Variants in FHIP1A observed in about 807,000 individuals in gnomAD.
The protein encoded by FHIP1A is FHF complex subunit HOOK interacting protein 1A.
In FHIP1A, 61 loss-of-function variants were observed where a neutral mutation model predicts 88.6. That is an observed-to-expected ratio of 0.69 (90% CI 0.56 to 0.85). The LOEUF is 0.85. FHIP1A is among the 40% of genes least tolerant of loss of function. FHIP1A has a pLI of 0.00. For synonymous variants in FHIP1A, 478 were observed against 496.0 expected, an observed-to-expected ratio of 0.96 and a Z score of 0.48; for missense variants, 1,154 against 1,273.5, an observed-to-expected ratio of 0.91 and a Z score of 1.43.
chr4:151,416,545 G>A (rs1343032835), intron 1 of FHIP1A, among the ~76,000 whole-genome samples: 3 of 152,064 alleles, frequency 2.0e-5, no homozygotes, highest in South Asian at 4.1e-4. Context: ...TAAGTATATA[G>A]TGATATAAGG....
chr4:151,548,181 G>A (rs955529182), intron 3 of FHIP1A, among the ~76,000 whole-genome samples: 6 of 152,186 alleles, frequency 3.9e-5, no homozygotes, highest in Admixed American at 1.3e-4. Flanking sequence ...GATGCCTCAG[G>A]TTCATGCCAG....
chr4:151,573,639 A>G (rs1733679220), intron 4 of FHIP1A, among the ~76,000 whole-genome samples: 1 of 152,078 alleles, frequency 6.6e-6, no homozygotes, highest in Non-Finnish European at 1.5e-5. Context: ...GGTATGGGAA[A>G]TGAGTCAAGG....
intron 7 of FHIP1A, among the ~76,000 whole-genome samples, chr4:151,613,710 G>T (rs950225790): frequency 2.6e-5 from 4 of 152,182 alleles, no homozygotes; most frequent in Non-Finnish European, 5.9e-5. Context: ...CCACAGCCTG[G>T]TGCACATCAG....
intron 7 of FHIP1A, among the ~76,000 whole-genome samples, chr4:151,592,783 A>C (rs1351928652): frequency 1.3e-5 from 2 of 152,118 alleles, no homozygotes; most frequent in African/African-American, 4.8e-5. Flanking sequence ...CCCATTTATC[A>C]ATTTTGGCTT....
intron 3 of FHIP1A, among the ~76,000 whole-genome samples, chr4:151,563,602 A>G (rs947321945): frequency 9.9e-5 from 15 of 152,156 alleles, no homozygotes; most frequent in African/African-American, 2.9e-4. Flanking sequence ...TGCTTTACCT[A>G]CTTACAGCTT....
At chr4:151,657,665 TTTTAC>T (rs1737298832) in intron 13 of FHIP1A, among the ~76,000 whole-genome samples, 1 of 152,192 alleles carries the variant, frequency 6.6e-6, no homozygotes, top group South Asian at 2.1e-4. Context: ...TTGCACTGGC[TTTTAC>T]TTTTCCACAC....
intron 1 of FHIP1A, among the ~76,000 whole-genome samples, chr4:151,442,880 C>T (rs1049067540): frequency 1.1e-4 from 17 of 152,112 alleles, no homozygotes; most frequent in Non-Finnish European, 2.4e-4. Flanking sequence ...TTCTATTTTG[C>T]CGATCACATT....
At chr4:151,450,611 C>T (rs191889357) in intron 1 of FHIP1A, among the ~76,000 whole-genome samples, 2 of 152,182 alleles carry the variant, frequency 1.3e-5, no homozygotes, top group Non-Finnish European at 2.9e-5. Context: ...AGTAATACCA[C>T]TGTTAGGCCA....
At chr4:151,587,714 A>G (rs1468907865) in intron 6 of FHIP1A, among the ~76,000 whole-genome samples, 1 of 152,066 alleles carries the variant, frequency 6.6e-6, no homozygotes, top group Non-Finnish European at 1.5e-5. Context: ...CTGTTTATCT[A>G]CCAAATAAAG....
At chr4:151,515,913 T>C (rs909735839) in intron 3 of FHIP1A, among the ~76,000 whole-genome samples, 4 of 152,200 alleles carry the variant, frequency 2.6e-5, no homozygotes, top group Admixed American at 2.0e-4. Context: ...CCCATCAAGC[T>C]ACCAATGACT....
At position 151,606,979 on chromosome 4, in the gene FHIP1A, G is replaced by T. The variant is rs542920439; in HGVS notation, c.978+18053G>T. Among the ~76,000 whole-genome samples, 123 of 152,292 alleles carry T rather than the reference G, an allele frequency of 8.1e-4. 2 individuals carry two copies. In the South Asian group the frequency reaches 0.015, roughly 18 times the overall value. ...TGTCTCCACAGCTTTACAGGCAGGC[G>T]CTGGTTCCGGGACAGACAGGTATTC... On this transcript the variant is annotated intron_variant, in intron 7 of 13. Transcript: ENST00000435205.
intron 3 of FHIP1A, among the ~76,000 whole-genome samples, chr4:151,540,017 A>G (rs904782939): frequency 1.3e-5 from 2 of 152,218 alleles, no homozygotes; most frequent in Admixed American, 1.3e-4. Flanking sequence ...AGTAACCTAA[A>G]TGGGAAGTTA....
At chr4:151,437,684 A>G (rs1023313375) in intron 1 of FHIP1A, among the ~76,000 whole-genome samples, 4 of 152,194 alleles carry the variant, frequency 2.6e-5, no homozygotes, top group African/African-American at 7.2e-5. Flanking sequence ...ATTAAATTCC[A>G]GTACAACTGG....
rs188473157 is a variant in FHIP1A, at chr4:151,471,047, A to G, written c.-247-11477A>G. Among the ~76,000 whole-genome samples the G allele has an allele frequency of 1.6e-3, 250 of 152,242 alleles. 1 individual carries two copies. The highest frequency in any genetic ancestry group is 3.9e-3 in the Admixed American group (60 of 15,286). On this transcript the variant is annotated intron_variant, in intron 2 of 13. Coordinates refer to ENST00000435205, the MANE Select transcript of FHIP1A (RefSeq NM_001109977.3). ...TTGAATGAGATTCTTTGTTGTTTCA[A>G]TCTGAGGGGAATCTTAGTATCTGGG...
In FHIP1A at chr4:151,600,753, C is replaced by T. The variant is rs547697621; in HGVS notation, c.978+11827C>T. Reference sequence around the variant, plus strand: ...TCCCTCCTTCCACACAGCCTCTCCACAGGGCTGCTTGGGCATCTTCACAGC... The same window carrying T: ...TCCCTCCTTCCACACAGCCTCTCCATAGGGCTGCTTGGGCATCTTCACAGC... On this transcript the variant is annotated intron_variant, in intron 7 of 13. Transcript: ENST00000435205. Among the ~76,000 whole-genome samples the T allele has an allele frequency of 1.4e-3, 217 of 152,230 alleles. 1 individual carries two copies. Among genetic ancestry groups the T allele is most frequent in the Middle Eastern group, 6.8e-3 (2 of 294 alleles).
At chr4:151,558,129 AAG>A (rs984053833) in intron 3 of FHIP1A, among the ~76,000 whole-genome samples, 15 of 152,368 alleles carry the variant, frequency 9.8e-5, no homozygotes, top group African/African-American at 3.4e-4. Flanking sequence ...GAGGAAGTCT[AAG>A]AAACTTATTT....
At position 151,577,584 on chromosome 4, in the gene FHIP1A, C is replaced by T; in HGVS notation, c.240C>T (p.Ala80=). The change falls in exon 5 of 14, where the codon GCC becomes GCT. Residue 80 remains alanine, a synonymous_variant. Coordinates refer to ENST00000435205, the MANE Select transcript of FHIP1A (RefSeq NM_001109977.3). ...TCTTCTTGTTGATTGAAGAGCAAGC[C>T]AAAGATGCTGCAATGGGGCCGATTC... The part of the protein sequence containing the change: ...HMLFLLIEEQ[A]KDAAMGPILE... The T allele has an allele frequency of 1.3e-6, 2 of 1,551,876 alleles. No homozygotes were observed. Among genetic ancestry groups the T allele is most frequent in the Non-Finnish European group, 8.7e-7 (1 of 1,147,030 alleles).
chr4:151,454,223 A>G (rs1189237085), intron 1 of FHIP1A, among the ~76,000 whole-genome samples: 1 of 152,174 alleles, frequency 6.6e-6, no homozygotes, highest in Non-Finnish European at 1.5e-5. Context: ...TGATTCTTAA[A>G]GGGTTGTGAT....
intron 7 of FHIP1A, among the ~76,000 whole-genome samples, chr4:151,613,258 AT>A (rs1457754909): frequency 6.6e-6 from 1 of 152,258 alleles, no homozygotes; most frequent in African/African-American, 2.4e-5. Flanking sequence ...CAATTAACTT[AT>A]TCAAGAATGT....
Sources: allele counts gnomAD v4.1 joint callset (sites outside exome capture counted in the v4.1 genomes callset), GRCh38; gene constraint gnomAD v4.1.1; transcripts MANE v1.5; gene names NCBI Gene and HGNC (gene_info 2026-07-23, HGNC 2026-07-21).